The following SNX6 variants were observed in gnomAD, a reference collection of about 807,000 sequenced individuals.
SNX6 encodes the protein sorting nexin-6.
A neutral mutation model predicts 63.0 loss-of-function variants in SNX6; 34 were observed. The ratio of observed to expected loss-of-function variants is 0.54; its 90% confidence interval spans 0.41 to 0.72. The LOEUF (loss-of-function observed/expected upper bound fraction) is 0.72. Ranked by LOEUF, SNX6 falls within the 30% of genes least tolerant of loss-of-function variation. The pLI, the probability that SNX6 is intolerant of heterozygous loss-of-function variation, is 0.00. For synonymous variants in SNX6, 170 were observed against 164.2 expected, an observed-to-expected ratio of 1.04 and a Z score of -0.27; for missense variants, 398 against 471.4, an observed-to-expected ratio of 0.84 and a Z score of 1.44.
Position 34,565,151 on chromosome 14 carries a change from C to T in SNX6, c.1168-1976G>A, listed in dbSNP as rs561714278. 2.7e-5 allele frequency among the ~76,000 whole-genome samples: 4 copies of T among 150,108 alleles called. No individual in the cohort carries two copies. The South Asian group carries it at 6.3e-4, about 24-fold the overall frequency. On this transcript the variant is annotated intron_variant, in intron 13 of 13. Transcript: ENST00000362031. ...GGACTGCAGTGGCATGATCTCAGCT[C>T]GCTGCAAGCTCTGTCTCCCGGGTTC... is the stretch of plus-strand genomic sequence containing the variant.
chr14:34,563,204 A>G (rs1243575333), intron 13 of SNX6, 29 bp from the exon 14 acceptor site: 3 of 1,594,248 alleles, frequency 1.9e-6, no homozygotes, highest in Admixed American at 3.4e-5. Context: ...ATAAATTACA[A>G]ATTTTATTTC....
intron 8 of SNX6, among the ~76,000 whole-genome samples, chr14:34,587,870 G>C (rs1428775574): frequency 6.7e-6 from 1 of 150,264 alleles, no homozygotes; most frequent in Non-Finnish European, 1.5e-5. Context: ...GAGTGCAGTG[G>C]TGGGGTCTTG....
intron 2 of SNX6, among the ~76,000 whole-genome samples, chr14:34,620,274 C>A (rs1883574641): frequency 6.6e-6 from 1 of 152,168 alleles, no homozygotes; most frequent in African/African-American, 2.4e-5. Flanking sequence ...TAAATGCCAG[C>A]AGCTGTTTAT....
intron 8 of SNX6, among the ~76,000 whole-genome samples, chr14:34,586,732 G>C (rs755054481): frequency 7.6e-6 from 1 of 132,224 alleles, no homozygotes; most frequent in Non-Finnish European, 1.6e-5. Context: ...ATTGGAGGTC[G>C]GGCGCAGTAG....
chr14:34,597,437 A>G (rs186568061), intron 7 of SNX6, 113 bp downstream of exon 7: 22 of 700,344 alleles, frequency 3.1e-5, no homozygotes, highest in Non-Finnish European at 4.7e-5. Context: ...AGGACTGAAG[A>G]TTCTAACCGT....
Position 34,608,159 on chromosome 14 carries a change from T to A in SNX6, c.160-19A>T. 1 of 1,434,972 alleles carries A rather than the reference T, an allele frequency of 7.0e-7. No homozygotes were observed. Among genetic ancestry groups the A allele is most frequent in the Non-Finnish European group, 9.6e-7 (1 of 1,037,630 alleles). The allele number at this position is 1,434,972 out of a possible 1,614,324, so 88.9% of individuals were successfully genotyped here. ...ATGAACTCTGTAAAGATAGAGATTT[T>A]CTTGAATAAAAATCAAATTTACACT... is the stretch of plus-strand genomic sequence containing the variant. On this transcript the variant is annotated intron_variant, in intron 3 of 13. Coordinates refer to ENST00000362031, the MANE Select transcript of SNX6 (RefSeq NM_152233.4).
At chr14:34,568,156 T>G (rs1881275560) in intron 11 of SNX6, 143 bp from the exon 12 acceptor site, 1 of 650,606 alleles carries the variant, frequency 1.5e-6, no homozygotes. Context: ...TTTTTTTTTT[T>G]TTTTTGAGGT....
At chr14:34,622,061 C>T (rs1214774766) in intron 2 of SNX6, among the ~76,000 whole-genome samples, 10 of 146,666 alleles carry the variant, frequency 6.8e-5, no homozygotes, top group African/African-American at 2.3e-4. Context: ...TGGGTTCAAG[C>T]GATTCTCCTG....
intron 13 of SNX6, among the ~76,000 whole-genome samples, chr14:34,565,397 A>G (rs1426378490): frequency 6.6e-6 from 1 of 151,244 alleles, no homozygotes; most frequent in African/African-American, 2.4e-5. Context: ...ACCTTAAAGA[A>G]AAAAAAAACC....
intron 2 of SNX6, among the ~76,000 whole-genome samples, chr14:34,622,136 ATT>A (rs958510632): frequency 1.1e-4 from 16 of 149,402 alleles, no homozygotes; most frequent in Non-Finnish European, 1.9e-4. Context: ...TTTTTTTTGT[ATT>A]TTTAGTACAG....
intron 2 of SNX6, among the ~76,000 whole-genome samples, chr14:34,614,129 C>CA (rs1452033280): frequency 6.6e-6 from 1 of 150,882 alleles, no homozygotes; most frequent in Admixed American, 6.6e-5. Context: ...AAAACAAAAA[C>CA]AAAAAAACAG....
At chr14:34,583,225 T>C (rs947323688) in intron 9 of SNX6, among the ~76,000 whole-genome samples, 3 of 151,972 alleles carry the variant, frequency 2.0e-5, no homozygotes, top group African/African-American at 7.2e-5. Flanking sequence ...AGGAGAATGG[T>C]GTGAACCCGG....
chr14:34,567,209 G>T (rs146333618), intron 13 of SNX6, among the ~76,000 whole-genome samples: 5 of 151,626 alleles, frequency 3.3e-5, no homozygotes, highest in African/African-American at 9.7e-5. Flanking sequence ...CAGACTAGCC[G>T]GGTACGGTGG....
chr14:34,602,975 CAA>C (rs755501321), intron 6 of SNX6, among the ~76,000 whole-genome samples: 5 of 92,252 alleles, frequency 5.4e-5, no homozygotes, highest in African/African-American at 3.9e-5. Flanking sequence ...GACTCCGTCT[CAA>C]AAAAAAAAAA....
At chr14:34,564,234 G>T (rs1881067101) in intron 13 of SNX6, among the ~76,000 whole-genome samples, 1 of 152,020 alleles carries the variant, frequency 6.6e-6, no homozygotes. Flanking sequence ...CACTATGTTG[G>T]CCAGGCTGGT....
intron 2 of SNX6, among the ~76,000 whole-genome samples, chr14:34,621,238 C>T (rs568079465): frequency 4.6e-5 from 7 of 152,082 alleles, no homozygotes; most frequent in Non-Finnish European, 1.0e-4. Flanking sequence ...TGAGCCACTG[C>T]GTCAGCTTCT....
chr14:34,605,936 G>C (rs1054867589), intron 4 of SNX6, among the ~76,000 whole-genome samples: 1 of 152,034 alleles, frequency 6.6e-6, no homozygotes, highest in Non-Finnish European at 1.5e-5. Context: ...CACTTTGGGA[G>C]GCTGAGGTGG....
At chr14:34,568,062 T>C (rs1283739579) in intron 11 of SNX6, 49 bp from the exon 12 acceptor site, 20 of 1,526,228 alleles carry the variant, frequency 1.3e-5, no homozygotes, top group African/African-American at 2.7e-5. Context: ...ATGTTTCCAG[T>C]AGTCACACCC....
chr14:34,583,206 G>A (rs1421044714), intron 9 of SNX6, among the ~76,000 whole-genome samples: 5 of 152,148 alleles, frequency 3.3e-5, no homozygotes, highest in African/African-American at 1.2e-4. Flanking sequence ...CTACTTGGGA[G>A]GCTGAGGCAG....
Sources: gnomAD v4.1 joint callset for allele counts (sites outside exome capture counted in the v4.1 genomes callset) on GRCh38, gnomAD v4.1.1 for gene constraint, MANE v1.5 for transcripts, NCBI Gene and HGNC (gene_info 2026-07-23, HGNC 2026-07-21) for gene names.